The following BICDL1 variants were observed in gnomAD, a reference collection of about 807,000 sequenced individuals.
BICDL1 encodes the protein BICD family-like cargo adapter 1.
Under a neutral mutation model 76.8 loss-of-function variants are expected in BICDL1, and 20 were observed. The observed-to-expected ratio is 0.26, with a 90% CI of 0.18 to 0.38. BICDL1 has a LOEUF of 0.38. Ranked by LOEUF, BICDL1 falls within the 10% of genes least tolerant of loss-of-function variation. The probability of loss-of-function intolerance (pLI) is 1.00; values close to 1 mark genes in which losing one functional copy is unlikely to be tolerated. For synonymous variants in BICDL1, 383 were observed against 337.1 expected (o/e 1.14, Z -1.49); for missense variants, 700 against 798.6 (o/e 0.88, Z 1.49).
chr12:120,033,638 C>T (rs988619059), intron 2 of BICDL1, among the ~76,000 whole-genome samples: 5 of 152,050 alleles, frequency 3.3e-5, no homozygotes, highest in Admixed American at 6.6e-5. Flanking sequence ...CCGCCTGCCT[C>T]GGCCTCCCAA....
chr12:120,057,081 C>G (rs1952990657), intron 2 of BICDL1: 1 of 522,420 alleles, frequency 1.9e-6, no homozygotes, highest in African/African-American at 1.9e-5. Context: ...TCCTCCACCT[C>G]TGATGCAGAA....
chr12:120,080,359 G>A (rs529212556), intron 7 of BICDL1, among the ~76,000 whole-genome samples: 3 of 152,320 alleles, frequency 2.0e-5, no homozygotes, highest in Admixed American at 2.0e-4. Context: ...TAAGTTCCCT[G>A]TGGCTTTCAC....
chr12:120,062,070 T>C (rs961928954), intron 3 of BICDL1, among the ~76,000 whole-genome samples: 4 of 152,134 alleles, frequency 2.6e-5, no homozygotes, highest in African/African-American at 9.7e-5. Context: ...TGTTGATCTC[T>C]CCAAAAATAT....
chr12:120,089,878 AG>A, intron 8 of BICDL1, 72 bp from the exon 9 acceptor site: 1 of 1,558,538 alleles, frequency 6.4e-7, no homozygotes, highest in Non-Finnish European at 8.7e-7. Flanking sequence ...CTGGGACTCC[AG>A]GTGCCCCAAG....
At chr12:120,043,169 T>C (rs563931604) in intron 2 of BICDL1, among the ~76,000 whole-genome samples, 1 of 152,348 alleles carries the variant, frequency 6.6e-6, no homozygotes, top group Admixed American at 6.5e-5. Flanking sequence ...AGCCTGGGTA[T>C]GTTACCTAGA....
intron 8 of BICDL1, among the ~76,000 whole-genome samples, chr12:120,087,072 G>C (rs932004969): frequency 2.6e-5 from 4 of 152,236 alleles, no homozygotes; most frequent in Non-Finnish European, 5.9e-5. Flanking sequence ...GCCACCTGCC[G>C]GGGGACGCCG....
At chr12:120,082,562 C>G (rs988444146) in intron 8 of BICDL1, among the ~76,000 whole-genome samples, 3 of 150,342 alleles carry the variant, frequency 2.0e-5, no homozygotes, top group African/African-American at 7.3e-5. Flanking sequence ...CCAACTAGGT[C>G]TTTTTAAAAA....
At chr12:120,090,829 C>T (rs1414587218) in intron 9 of BICDL1, 1 of 1,237,820 alleles carries the variant, frequency 8.1e-7, no homozygotes, top group South Asian at 1.3e-5. Context: ...GGTGCCCGTC[C>T]CTGGCTCCTT....
chr12:120,080,756 T>G, intron 7 of BICDL1, 131 bp from the exon 8 acceptor site: 1 of 876,718 alleles, frequency 1.1e-6, no homozygotes, highest in African/African-American at 1.7e-5. Flanking sequence ...AGGATGGCAG[T>G]GGAATGCTAC....
At chr12:120,090,886 T>G (rs1042488738) in intron 9 of BICDL1, 2 of 1,287,082 alleles carry the variant, frequency 1.6e-6, no homozygotes, top group African/African-American at 1.5e-5. Flanking sequence ...TGACCGCTGC[T>G]CTCTCTCTTC....
chr12:120,043,103 C>G (rs1445751449), intron 2 of BICDL1, among the ~76,000 whole-genome samples: 2 of 152,112 alleles, frequency 1.3e-5, no homozygotes. Flanking sequence ...GTTTCTTTAT[C>G]GATGAAATGG....
chr12:120,048,133 G>GT (rs958372823), intron 2 of BICDL1, among the ~76,000 whole-genome samples: 4 of 150,902 alleles, frequency 2.7e-5, no homozygotes, highest in Admixed American at 6.6e-5. Context: ...TATCAACACA[G>GT]TTTTTTTTCT....
At chr12:120,059,090 A>G (rs1296543589) in intron 2 of BICDL1, among the ~76,000 whole-genome samples, 2 of 150,674 alleles carry the variant, frequency 1.3e-5, no homozygotes, top group African/African-American at 2.4e-5. Flanking sequence ...TTTTTTTATT[A>G]ATTTTTTTTA....
intron 9 of BICDL1, chr12:120,090,862 G>C: frequency 7.8e-7 from 1 of 1,286,074 alleles, no homozygotes; most frequent in Non-Finnish European, 1.0e-6. Context: ...GCAGCCAGCT[G>C]GCCGCGCCCT....
chr12:120,056,299 A>G (rs1196873357), intron 2 of BICDL1, among the ~76,000 whole-genome samples: 1 of 152,202 alleles, frequency 6.6e-6, no homozygotes, highest in Non-Finnish European at 1.5e-5. Context: ...CATCTATTTT[A>G]TATTCACCTA....
At chr12:120,041,223 T>C (rs1339703518) in intron 2 of BICDL1, among the ~76,000 whole-genome samples, 3 of 152,176 alleles carry the variant, frequency 2.0e-5, no homozygotes, top group Non-Finnish European at 4.4e-5. Flanking sequence ...CTATTGATAA[T>C]AGTTAGGGGC....
At chr12:120,030,808 G>C (rs1175646584) in intron 2 of BICDL1, among the ~76,000 whole-genome samples, 1 of 151,982 alleles carries the variant, frequency 6.6e-6, no homozygotes, top group Non-Finnish European at 1.5e-5. Flanking sequence ...CTACCCCTGG[G>C]CTATTTTTTG....
rs1875140527 is a variant in BICDL1 at position 120,093,219 on chromosome 12, G to A, written c.*58G>A. On this transcript the variant is annotated 3_prime_UTR_variant, in exon 10 of 10. Coordinates refer to ENST00000548673, the MANE Select transcript of BICDL1 (RefSeq NM_001367886.1). The stretch of plus-strand genomic sequence containing the variant: ...GACTGGAGGCAGCTGGAAAGGCGGT[G>A]CAGGCAAGGCCTCCCCTGCAGCTTG... 10 of 1,539,314 alleles carry A rather than the reference G, an allele frequency of 6.5e-6. No individual in the cohort carries two copies. The highest frequency in any genetic ancestry group is 7.9e-6 in the Non-Finnish European group (9 of 1,137,874).
intron 9 of BICDL1, among the ~76,000 whole-genome samples, chr12:120,090,365 A>G (rs981564257): frequency 6.6e-6 from 1 of 152,192 alleles, no homozygotes; most frequent in African/African-American, 2.4e-5. Context: ...AGCTGGAAAG[A>G]AACAACTGGT....
Sources: allele counts gnomAD v4.1 joint callset (sites outside exome capture counted in the v4.1 genomes callset), GRCh38; gene constraint gnomAD v4.1.1; transcripts MANE v1.5; gene names NCBI Gene and HGNC (gene_info 2026-07-23, HGNC 2026-07-21).